ACER2: variants seen among roughly 807,000 people sequenced by gnomAD.
The protein encoded by ACER2 is alkaline ceramidase 2.
A neutral mutation model predicts 34.7 loss-of-function variants in ACER2; 26 were observed. The observed-to-expected ratio is 0.75, with a 90% CI of 0.55 to 1.04. The LOEUF is 1.04. Ranked by LOEUF, ACER2 falls within the 50% of genes least tolerant of loss-of-function variation. The pLI is 0.00. For synonymous variants in ACER2, 138 were observed against 132.1 expected (o/e 1.04, Z -0.31); for missense variants, 352 against 340.8 (o/e 1.03, Z -0.26).
In ACER2 at chr9:19,424,773, G is replaced by A; in HGVS notation, c.297G>A (p.Trp99Ter). 6.2e-7 allele frequency: 1 copy of A among 1,614,054 alleles called. No homozygotes were observed. Residue 99 changes from tryptophan to a stop codon, truncating the protein, a stop_gained, in exon 3 of 6, where the codon TGG becomes TGA. Coordinates refer to ENST00000340967, the MANE Select transcript of ACER2 (RefSeq NM_001010887.3). LOFTEE classifies it high-confidence loss of function. ...TGCTTGATGAACTTGCAGTCCTTTG[G>A]GTTCTGATGTGTGCTTTGGCCATGT... ...GQMLDELAVL[W>*]VLMCALAMWF... is the part of the protein sequence containing the mutation.
At chr9:19,435,529 C>G (rs893002360) in intron 4 of ACER2, among the ~76,000 whole-genome samples, 2 of 152,194 alleles carry the variant, frequency 1.3e-5, no homozygotes, top group South Asian at 4.1e-4. Flanking sequence ...GTCTCATTTA[C>G]AATCTATTAG....
chr9:19,418,953 G>T (rs146404311), intron 1 of ACER2, among the ~76,000 whole-genome samples: 1 of 152,148 alleles, frequency 6.6e-6, no homozygotes, highest in African/African-American at 2.4e-5. Flanking sequence ...TTGGGAGGCC[G>T]AGGAGGGTGG....
intron 1 of ACER2, among the ~76,000 whole-genome samples, chr9:19,411,216 G>A (rs1316517596): frequency 6.6e-6 from 1 of 152,164 alleles, no homozygotes; most frequent in East Asian, 1.9e-4. Flanking sequence ...TCTGGCTGAT[G>A]AGCCCAGCTG....
At chr9:19,423,383 C>T (rs1372992836) in intron 1 of ACER2, among the ~76,000 whole-genome samples, 2 of 152,148 alleles carry the variant, frequency 1.3e-5, no homozygotes, top group African/African-American at 2.4e-5. Flanking sequence ...TTTAAGTTCT[C>T]CTGATTGTAT....
chr9:19,411,147 C>G (rs1001047877), intron 1 of ACER2, among the ~76,000 whole-genome samples: 9 of 152,154 alleles, frequency 5.9e-5, no homozygotes, highest in African/African-American at 2.2e-4. Flanking sequence ...AGCCGTTACT[C>G]TATGTAGTGA....
At position 19,434,957 on chromosome 9, in the gene ACER2, A is replaced by C. The variant is rs757251098; in HGVS notation, c.376A>C (p.Lys126Gln). 1.2e-5 allele frequency: 20 copies of C among 1,613,608 alleles called. No individual in the cohort carries two copies. Among genetic ancestry groups the C allele is most frequent in the Non-Finnish European group, 1.7e-5 (20 of 1,180,026 alleles). Residue 126 changes from lysine to glutamine, a missense_variant, in exon 4 of 6, where the codon AAG becomes CAG. Coordinates refer to ENST00000340967, the MANE Select transcript of ACER2 (RefSeq NM_001010887.3). ...CTTTCATGGATTCAGGGGTAGGTTC[A>C]AGGTGGTGGTCAGTGTCCTGTCTGC... is the stretch of plus-strand genomic sequence containing the variant. ...KIFRNDRGRF[K>Q]VVVSVLSAVT...
At chr9:19,412,991 C>T (rs1352385833) in intron 1 of ACER2, among the ~76,000 whole-genome samples, 1 of 152,172 alleles carries the variant, frequency 6.6e-6, no homozygotes, top group Non-Finnish European at 1.5e-5. Flanking sequence ...CTTTCGCAAG[C>T]ACTAATCTTA....
rs989929356 is a variant in ACER2, at chr9:19,441,318, A to G, written c.504-4963A>G. 4.6e-5 allele frequency among the ~76,000 whole-genome samples: 7 copies of G among 152,058 alleles called. No individual in the cohort carries two copies. The East Asian group carries it at 1.3e-3, about 29-fold the overall frequency. On this transcript the variant is annotated intron_variant, in intron 4 of 5. Coordinates refer to ENST00000340967, the MANE Select transcript of ACER2 (RefSeq NM_001010887.3). ...CCCTCCTTGGCCTCCCAAATTGCTGAGATTACAGGCATGAGCCACATGCCC... is the reference window on the plus strand; with the variant it reads ...CCCTCCTTGGCCTCCCAAATTGCTGGGATTACAGGCATGAGCCACATGCCC...
intron 3 of ACER2, among the ~76,000 whole-genome samples, chr9:19,434,290 T>G (rs1447621401): frequency 7.0e-6 from 1 of 143,752 alleles, no homozygotes; most frequent in Non-Finnish European, 1.5e-5. Flanking sequence ...CTTTCCAGAC[T>G]GGGCAGCCAG....
intron 1 of ACER2, 55 bp from the exon 2 acceptor site, chr9:19,423,807 T>G: frequency 1.5e-6 from 2 of 1,365,410 alleles, no homozygotes; most frequent in Non-Finnish European, 1.0e-6. Context: ...GCCACTTTAT[T>G]TTTTGCCCTT....
At chr9:19,429,010 G>A (rs1451730912) in intron 3 of ACER2, among the ~76,000 whole-genome samples, 1 of 151,340 alleles carries the variant, frequency 6.6e-6, no homozygotes, top group Non-Finnish European at 1.5e-5. Context: ...GGCTGGTCTC[G>A]AACTCCTGAC....
intron 1 of ACER2, among the ~76,000 whole-genome samples, chr9:19,422,099 C>T (rs1589040450): frequency 2.7e-5 from 4 of 147,210 alleles, no homozygotes; most frequent in Admixed American, 1.4e-4. Flanking sequence ...GCCTGGGCAA[C>T]ATAGTGAGAC....
At chr9:19,414,276 A>G (rs538854612) in intron 1 of ACER2, among the ~76,000 whole-genome samples, 4 of 152,306 alleles carry the variant, frequency 2.6e-5, no homozygotes, top group African/African-American at 7.2e-5. Context: ...TGGACAGACA[A>G]TCCACTCAGC....
rs1427383878 is a variant in ACER2, at chr9:19,450,780, A to C, written c.*144A>C. 2 of 751,528 alleles carry C rather than the reference A, an allele frequency of 2.7e-6. No individual in the cohort carries two copies. Among genetic ancestry groups the C allele is most frequent in the Non-Finnish European group, 3.9e-6 (2 of 511,372 alleles). 46.6% of individuals were successfully genotyped at this position (751,528 alleles called of 1,614,324 possible). A position where few individuals can be genotyped will look rare whatever the true frequency, so the allele number is the denominator to read the frequency against. On this transcript the variant is annotated 3_prime_UTR_variant, in exon 6 of 6. Transcript: ENST00000340967. ...ATTTGCTGGGGCTCTTAATTTCTTT[A>C]GTGTTCTTTGTATGTAGGGATTTAA...
At chr9:19,429,205 G>A (rs755421221) in intron 3 of ACER2, among the ~76,000 whole-genome samples, 4 of 152,092 alleles carry the variant, frequency 2.6e-5, no homozygotes, top group Non-Finnish European at 5.9e-5. Context: ...CTTTCATCTT[G>A]CCTAAAATGT....
At chr9:19,444,900 T>C (rs899108721) in intron 4 of ACER2, among the ~76,000 whole-genome samples, 2 of 152,144 alleles carry the variant, frequency 1.3e-5, no homozygotes, top group Non-Finnish European at 2.9e-5. Flanking sequence ...CCTACAAGAG[T>C]ATTTTGATTT....
chr9:19,433,762 G>A (rs1234239852), intron 3 of ACER2, among the ~76,000 whole-genome samples: 2 of 151,164 alleles, frequency 1.3e-5, no homozygotes, highest in Admixed American at 1.3e-4. Flanking sequence ...CTCCCGGATG[G>A]GGCGGCTGGC....
At chr9:19,433,404 G>C (rs1830824635) in intron 3 of ACER2, among the ~76,000 whole-genome samples, 2 of 151,914 alleles carry the variant, frequency 1.3e-5, no homozygotes, top group African/African-American at 2.4e-5. Flanking sequence ...AGCACATCTT[G>C]CACCGCCCTT....
chr9:19,410,557 A>G (rs1296292267), intron 1 of ACER2, among the ~76,000 whole-genome samples: 2 of 151,798 alleles, frequency 1.3e-5, no homozygotes, highest in Non-Finnish European at 2.9e-5. Flanking sequence ...AAAAAAATAC[A>G]AAAATTAGCT....
Sources: gnomAD v4.1 joint callset for allele counts (sites outside exome capture counted in the v4.1 genomes callset) on GRCh38, gnomAD v4.1.1 for gene constraint, MANE v1.5 for transcripts, NCBI Gene and HGNC (gene_info 2026-07-23, HGNC 2026-07-21) for gene names.